The following CHODL variants were observed in gnomAD, a reference collection of about 807,000 sequenced individuals.
CHODL encodes transmembrane protein MT75.
In CHODL, 29 loss-of-function variants were observed where a neutral mutation model predicts 34.5. The observed-to-expected ratio is 0.84, with a 90% confidence interval of 0.63 to 1.15. CHODL has a LOEUF of 1.15. Among genes scored for constraint, CHODL ranks in the 50% most tolerant of loss-of-function variants. CHODL has a pLI of 0.00. For missense variants in CHODL, 332 were observed against 332.5 expected (o/e 1.00, Z 0.01); for synonymous variants, 125 against 116.1 (o/e 1.08, Z -0.49).
chr21:18,265,892 G>A (rs999981034), intron 5 of CHODL, 62 bp from the exon 6 acceptor site: 228 of 1,332,084 alleles, frequency 1.7e-4, no homozygotes, highest in Middle Eastern at 1.1e-3. Context: ...CCCTTTGGAC[G>A]TAGACATGCT....
chr21:17,989,821 T>A (rs1180112220), intron 1 of CHODL, among the ~76,000 whole-genome samples: 3 of 152,160 alleles, frequency 2.0e-5, no homozygotes, highest in Non-Finnish European at 4.4e-5. Context: ...TTTGTCAAAC[T>A]CGTTGATTGA....
chr21:18,106,834 C>T (rs1018064864), intron 2 of CHODL, among the ~76,000 whole-genome samples: 1 of 152,176 alleles, frequency 6.6e-6, no homozygotes, highest in South Asian at 2.1e-4. Context: ...ACTCAGAACA[C>T]CACTAGGAGT....
At chr21:18,138,230 T>C (rs1292474522) in intron 2 of CHODL, among the ~76,000 whole-genome samples, 2 of 152,138 alleles carry the variant, frequency 1.3e-5, no homozygotes, top group Non-Finnish European at 2.9e-5. Flanking sequence ...TGATTCCATT[T>C]ATTTCATATC....
intron 2 of CHODL, among the ~76,000 whole-genome samples, chr21:18,155,893 G>A (rs2073028276): frequency 6.6e-6 from 1 of 152,152 alleles, no homozygotes; most frequent in South Asian, 2.1e-4. Context: ...ACAGTAAATA[G>A]CTTTAAAGTC....
chr21:18,246,822 G>A (rs1234140694), intron 1 of CHODL, among the ~76,000 whole-genome samples: 2 of 152,110 alleles, frequency 1.3e-5, no homozygotes, highest in Admixed American at 1.3e-4. Context: ...AATTGTTGAA[G>A]AGGTGTATTT....
intron 2 of CHODL, among the ~76,000 whole-genome samples, chr21:18,129,380 A>G (rs1178699172): frequency 1.3e-5 from 2 of 152,166 alleles, no homozygotes; most frequent in Non-Finnish European, 2.9e-5. Flanking sequence ...TTAATTTGCC[A>G]GAATTATTCC....
chr21:18,265,400 T>C (rs564448954), intron 5 of CHODL, among the ~76,000 whole-genome samples: 62 of 152,036 alleles, frequency 4.1e-4, no homozygotes, highest in Non-Finnish European at 7.4e-4. Flanking sequence ...GAGACTGTTA[T>C]TCTAAGTGAA....
At chr21:18,092,306 A>T (rs1358305969) in intron 2 of CHODL, among the ~76,000 whole-genome samples, 1 of 152,210 alleles carries the variant, frequency 6.6e-6, no homozygotes, top group Non-Finnish European at 1.5e-5. Context: ...CAGCATTATT[A>T]GGCTTGGGGC....
intron 2 of CHODL, among the ~76,000 whole-genome samples, chr21:18,157,906 A>G (rs1360898921): frequency 6.6e-6 from 1 of 152,094 alleles, no homozygotes; most frequent in East Asian, 1.9e-4. Flanking sequence ...TAAAGACGAT[A>G]TTGCCAAAAT....
intron 2 of CHODL, among the ~76,000 whole-genome samples, chr21:18,076,163 G>A (rs1466269177): frequency 6.6e-6 from 1 of 152,224 alleles, no homozygotes; most frequent in African/African-American, 2.4e-5. Flanking sequence ...TAAAAATGTG[G>A]AAGTGGCTTT....
intron 1 of CHODL, among the ~76,000 whole-genome samples, chr21:18,012,826 A>G (rs1223040858): frequency 6.6e-6 from 1 of 152,240 alleles, no homozygotes; most frequent in Non-Finnish European, 1.5e-5. Flanking sequence ...ACAAATGTAA[A>G]AGAAAATAGT....
intron 5 of CHODL, among the ~76,000 whole-genome samples, chr21:18,264,313 C>T (rs1229484133): frequency 1.3e-5 from 2 of 152,034 alleles, no homozygotes; most frequent in African/African-American, 2.4e-5. Flanking sequence ...AGGAGATTAT[C>T]TTGAGGAAAC....
chr21:18,150,618 G>A (rs1045909018), intron 2 of CHODL, among the ~76,000 whole-genome samples: 22 of 152,078 alleles, frequency 1.4e-4, no homozygotes, highest in African/African-American at 5.1e-4. Context: ...TAAGGGCACT[G>A]CTCCCATTCA....
intron 2 of CHODL, among the ~76,000 whole-genome samples, chr21:18,179,532 G>A (rs945921546): frequency 1.3e-5 from 2 of 152,108 alleles, no homozygotes; most frequent in African/African-American, 2.4e-5. Context: ...TAGAGTTGTG[G>A]CAGTTTTACC....
intron 1 of CHODL, among the ~76,000 whole-genome samples, chr21:17,988,370 G>GT (rs1203424420): frequency 9.7e-4 from 128 of 132,544 alleles, no homozygotes; most frequent in East Asian, 2.3e-3. Context: ...CCTGTGGGAA[G>GT]TTTTTTTTTT....
At chr21:17,981,481 G>C (rs1289316810) in intron 1 of CHODL, among the ~76,000 whole-genome samples, 1 of 152,092 alleles carries the variant, frequency 6.6e-6, no homozygotes, top group African/African-American at 2.4e-5. Flanking sequence ...GACAGCTGAG[G>C]CCTCCAAACT....
At chr21:18,079,495 A>C (rs1207214276) in intron 2 of CHODL, among the ~76,000 whole-genome samples, 2 of 149,050 alleles carry the variant, frequency 1.3e-5, no homozygotes, top group Non-Finnish European at 3.0e-5. Flanking sequence ...TTACCATAGA[A>C]TATATGTATC....
intron 1 of CHODL, among the ~76,000 whole-genome samples, chr21:18,251,638 ATTTT>A (rs1446144648): frequency 6.3e-4 from 77 of 122,168 alleles, no homozygotes; most frequent in Non-Finnish European, 9.9e-4. Context: ...TTATTTATTT[ATTTT>A]AATATATAAA....
At chr21:17,946,101 A>G (rs904156117) in intron 1 of CHODL, among the ~76,000 whole-genome samples, 50 of 152,306 alleles carry the variant, frequency 3.3e-4, no homozygotes, top group African/African-American at 1.1e-3. Context: ...ATCAGTAATA[A>G]CAAATTAGAA....
Sources: allele counts gnomAD v4.1 joint callset (sites outside exome capture counted in the v4.1 genomes callset), GRCh38; gene constraint gnomAD v4.1.1; transcripts MANE v1.5; gene names NCBI Gene and HGNC (gene_info 2026-07-23, HGNC 2026-07-21).